SERINC5: variants seen among roughly 807,000 people sequenced by gnomAD.
SERINC5 encodes the protein chromosome 5 open reading frame 12.
In SERINC5, 41 loss-of-function variants were observed where a neutral mutation model predicts 63.1. The observed-to-expected ratio is 0.65, with a 90% CI of 0.51 to 0.84. The LOEUF is 0.84. Among genes scored for constraint, SERINC5 ranks in the 40% least tolerant of loss-of-function variants. The pLI is 0.00. For synonymous variants in SERINC5, 222 were observed against 215.2 expected (o/e 1.03, Z -0.28); for missense variants, 523 against 573.0 (o/e 0.91, Z 0.89).
rs1321583760 is a variant in SERINC5, at chr5:80,175,151, A to G, written c.458-104T>C. 16 of 674,600 alleles carry G rather than the reference A, an allele frequency of 2.4e-5. No individual in the cohort carries two copies. The East Asian group carries it at 4.6e-4, about 19-fold the overall frequency. The allele number at this position is 674,600 out of a possible 1,614,324, so 41.8% of individuals were successfully genotyped here. On this transcript the variant is annotated intron_variant, in intron 4 of 11. Coordinates refer to ENST00000507668, the MANE Select transcript of SERINC5 (RefSeq NM_001174072.3). ...TTACTAGATGATCAGTGTACCTAAC[A>G]TATTTGTCACACAACCATATAAGAT...
At chr5:80,250,904 CT>C in intron 1 of SERINC5, among the ~76,000 whole-genome samples, 1 of 152,294 alleles carries the variant, frequency 6.6e-6, no homozygotes, top group Non-Finnish European at 1.5e-5. Context: ...GCCTAGTCAC[CT>C]CTGCACAAAA....
chr5:80,199,733 G>C (rs1749716299), intron 2 of SERINC5, among the ~76,000 whole-genome samples: 2 of 152,138 alleles, frequency 1.3e-5, no homozygotes, highest in Admixed American at 6.5e-5. Flanking sequence ...TTTAGTAATA[G>C]ATTTTGTTTT....
chr5:80,157,815 C>T (rs1280501583), intron 8 of SERINC5: 1 of 152,208 alleles, frequency 6.6e-6, no homozygotes, highest in African/African-American at 2.4e-5. Flanking sequence ...CATCTTAACA[C>T]CTACCTGTAA....
chr5:80,173,431 TA>T (rs1260346434), intron 5 of SERINC5, among the ~76,000 whole-genome samples: 10 of 151,744 alleles, frequency 6.6e-5, no homozygotes, highest in Non-Finnish European at 8.8e-5. Context: ...CCGTCTCTAC[TA>T]AAAAATACAA....
intron 11 of SERINC5, among the ~76,000 whole-genome samples, chr5:80,121,393 A>G (rs1017809916): frequency 3.3e-5 from 5 of 152,088 alleles, no homozygotes; most frequent in Non-Finnish European, 4.4e-5. Context: ...GAATCTCAGG[A>G]TGACCTCCCT....
chr5:80,218,585 G>A (rs1284926285), intron 1 of SERINC5, among the ~76,000 whole-genome samples: 7 of 151,394 alleles, frequency 4.6e-5, no homozygotes, highest in Admixed American at 4.6e-4. Context: ...TGAGGCAGGA[G>A]AATCACTTGA....
intron 1 of SERINC5, among the ~76,000 whole-genome samples, chr5:80,240,343 C>T (rs550473116): frequency 6.6e-6 from 1 of 152,296 alleles, no homozygotes; most frequent in East Asian, 1.9e-4. Flanking sequence ...AATTTGAAGA[C>T]TTTTTCAAAT....
In SERINC5 at chr5:80,143,527, AT is replaced by A. The variant is rs58694950; in HGVS notation, c.*135del. 13,444 of 993,712 alleles carry A rather than the reference AT, an allele frequency of 0.014. 23 individuals are homozygous for A. Among genetic ancestry groups the A allele is most frequent in the African/African-American group, 0.04 (2,396 of 59,968 alleles). 61.6% of individuals were successfully genotyped at this position (993,712 alleles called of 1,614,324 possible). A position where few individuals can be genotyped will look rare whatever the true frequency, so the allele number is the denominator to read the frequency against. On this transcript the variant is annotated 3_prime_UTR_variant, in exon 12 of 12. Coordinates refer to ENST00000507668, the MANE Select transcript of SERINC5 (RefSeq NM_001174072.3). ...TCAAAAGTAAAAAGCTAATCAGGAG[AT>A]TTTTTTTTTTCTCTCTCAAAGCTTT...
chr5:80,154,561 C>T (rs1311991870), intron 8 of SERINC5, among the ~76,000 whole-genome samples: 2 of 152,040 alleles, frequency 1.3e-5, no homozygotes, highest in African/African-American at 2.4e-5. Context: ...ACACAAATCT[C>T]CCCCTCTCCT....
rs990234372 is a variant in SERINC5 at position 80,254,968 on chromosome 5, G to C, written c.27+928C>G. On this transcript the variant is annotated intron_variant, in intron 1 of 11. Coordinates refer to ENST00000507668, the MANE Select transcript of SERINC5 (RefSeq NM_001174072.3). ...GTGTCAGCAAGAACACCCCGAACCA[G>C]GATGCTCCCTAGAGTCTGATTCGTT... 4 of 152,182 alleles carry C rather than the reference G, an allele frequency of 2.6e-5. No homozygotes were observed. The East Asian group carries it at 5.8e-4, about 22-fold the overall frequency. The allele number at this position is 152,182 out of a possible 1,614,324, so 9.4% of individuals were successfully genotyped here.
chr5:80,199,491 G>T (rs1304346365), intron 2 of SERINC5, among the ~76,000 whole-genome samples: 1 of 152,178 alleles, frequency 6.6e-6, no homozygotes, highest in Non-Finnish European at 1.5e-5. Context: ...GCCTTTCCTA[G>T]CAACACCAGT....
At chr5:80,205,508 G>C (rs958338003) in intron 1 of SERINC5, among the ~76,000 whole-genome samples, 4 of 152,112 alleles carry the variant, frequency 2.6e-5, no homozygotes, top group Non-Finnish European at 5.9e-5. Flanking sequence ...AAAAGAAATG[G>C]GTGCCTTTTA....
intron 1 of SERINC5, among the ~76,000 whole-genome samples, chr5:80,243,332 A>T (rs1185509350): frequency 6.6e-6 from 1 of 152,188 alleles, no homozygotes; most frequent in Non-Finnish European, 1.5e-5. Context: ...TACATAAAAC[A>T]TCTGATTTGC....
At position 80,256,025 on chromosome 5, in the gene SERINC5, T is replaced by C. The variant is rs1419867125; in HGVS notation, c.-103A>G. 11 of 1,213,094 alleles carry C rather than the reference T, an allele frequency of 9.1e-6. No homozygotes were observed. Among genetic ancestry groups the C allele is most frequent in the Non-Finnish European group, 1.2e-5 (11 of 916,390 alleles). 75.1% of individuals were successfully genotyped at this position (1,213,094 alleles called of 1,614,324 possible). A position where few individuals can be genotyped will look rare whatever the true frequency, so the allele number is the denominator to read the frequency against. ...CGCTGGGCTCAGCCGCAGCTCACAC[T>C]TGAACGAAGATCAGCCTCGGCGAAG... On this transcript the variant is annotated 5_prime_UTR_variant, in exon 1 of 12. Coordinates refer to ENST00000507668, the MANE Select transcript of SERINC5 (RefSeq NM_001174072.3).
intron 1 of SERINC5, among the ~76,000 whole-genome samples, chr5:80,230,438 A>C (rs1751383343): frequency 8.3e-6 from 1 of 120,908 alleles, no homozygotes; most frequent in African/African-American, 3.0e-5. Context: ...CTAGAGCAAG[A>C]CTGTCACAAA....
chr5:80,128,910 T>C (rs1406322149), intron 11 of SERINC5: 3 of 152,230 alleles, frequency 2.0e-5, no homozygotes, highest in Non-Finnish European at 4.4e-5. Context: ...TTTAATCCTA[T>C]ATCTTTCTGC....
intron 1 of SERINC5, among the ~76,000 whole-genome samples, chr5:80,209,837 C>G (rs1750348818): frequency 6.6e-6 from 1 of 152,054 alleles, no homozygotes; most frequent in Non-Finnish European, 1.5e-5. Context: ...CATTTGAGCT[C>G]AGGATTTTCA....
At chr5:80,165,035 G>A (rs1747196788) in intron 7 of SERINC5, among the ~76,000 whole-genome samples, 1 of 143,672 alleles carries the variant, frequency 7.0e-6, no homozygotes, top group Non-Finnish European at 1.5e-5. Context: ...GTGCCACCAC[G>A]CTCAGCCTTT....
intron 9 of SERINC5, among the ~76,000 whole-genome samples, chr5:80,148,211 A>ATT (rs1745950361): frequency 1.3e-5 from 1 of 78,836 alleles, no homozygotes; most frequent in African/African-American, 5.6e-5. Context: ...TTTTTTTGAG[A>ATT]TGGAGATTTG....
Sources: gnomAD v4.1 joint callset for allele counts (sites outside exome capture counted in the v4.1 genomes callset) on GRCh38, gnomAD v4.1.1 for gene constraint, MANE v1.5 for transcripts, NCBI Gene and HGNC (gene_info 2026-07-23, HGNC 2026-07-21) for gene names.